ACAP2: variants seen among roughly 807,000 people sequenced by gnomAD.
ACAP2 encodes ArfGAP with coiled-coil, ankyrin repeat and PH domains 2.
In ACAP2, 39 loss-of-function variants were observed where a neutral mutation model predicts 115.8. That is an observed-to-expected ratio of 0.34 (90% CI 0.26 to 0.44). The LOEUF (loss-of-function observed/expected upper bound fraction) is 0.44. Ranked by LOEUF, ACAP2 falls within the 20% of genes least tolerant of loss-of-function variation. The pLI is 1.00. For missense variants in ACAP2, 662 were observed against 927.6 expected, an observed-to-expected ratio of 0.71 and a Z score of 3.72; for synonymous variants, 289 against 315.8, an observed-to-expected ratio of 0.92 and a Z score of 0.90.
intron 9 of ACAP2, among the ~76,000 whole-genome samples, chr3:195,325,819 T>C (rs1271004910): frequency 6.6e-6 from 1 of 151,960 alleles, no homozygotes; most frequent in Non-Finnish European, 1.5e-5. Flanking sequence ...TACACTCTAA[T>C]TATGTAAAAT....
intron 1 of ACAP2, among the ~76,000 whole-genome samples, chr3:195,403,008 A>G (rs1270122005): frequency 1.3e-5 from 2 of 152,202 alleles, no homozygotes; most frequent in Non-Finnish European, 2.9e-5. Flanking sequence ...ATGGTATGCG[A>G]TAAGGTGGTA....
At chr3:195,320,939 A>G (rs1729407870) in intron 9 of ACAP2, 126 bp from the exon 10 acceptor site, 4 of 558,746 alleles carry the variant, frequency 7.2e-6, no homozygotes, top group Admixed American at 3.0e-5. Flanking sequence ...AACAATATTA[A>G]TAAGAAAAAT....
intron 1 of ACAP2, among the ~76,000 whole-genome samples, chr3:195,434,499 G>A (rs946827779): frequency 4.6e-5 from 7 of 152,316 alleles, no homozygotes; most frequent in Middle Eastern, 3.4e-3. Flanking sequence ...GCCTCCCAAA[G>A]TGCTGGGAAT....
At chr3:195,330,225 C>A (rs1730077045) in intron 8 of ACAP2, among the ~76,000 whole-genome samples, 2 of 152,088 alleles carry the variant, frequency 1.3e-5, no homozygotes, top group African/African-American at 4.8e-5. Context: ...GTATATTAAC[C>A]CTCAAATCTA....
intron 2 of ACAP2, among the ~76,000 whole-genome samples, chr3:195,390,462 T>C (rs1473430820): frequency 1.3e-5 from 2 of 152,232 alleles, no homozygotes; most frequent in Non-Finnish European, 2.9e-5. Flanking sequence ...TGTTTACATA[T>C]AGAACTAAAT....
intron 8 of ACAP2, among the ~76,000 whole-genome samples, chr3:195,330,773 T>C (rs2108623896): frequency 6.6e-6 from 1 of 152,330 alleles, no homozygotes; most frequent in Admixed American, 6.5e-5. Flanking sequence ...CTTGCAGCTA[T>C]TGTGACCCTG....
intron 4 of ACAP2, among the ~76,000 whole-genome samples, chr3:195,368,968 C>G (rs1357423736): frequency 2.6e-5 from 4 of 151,978 alleles, no homozygotes; most frequent in African/African-American, 9.7e-5. Context: ...CCTGTAGTCC[C>G]AGCTACTTGG....
chr3:195,320,360 AAAT>A (rs1414512979), intron 10 of ACAP2, among the ~76,000 whole-genome samples: 1 of 152,230 alleles, frequency 6.6e-6, no homozygotes, highest in African/African-American at 2.4e-5. Flanking sequence ...ATTTGTACTC[AAAT>A]CTATTTTATA....
At chr3:195,420,889 C>T (rs937086466) in intron 1 of ACAP2, among the ~76,000 whole-genome samples, 1 of 152,144 alleles carries the variant, frequency 6.6e-6, no homozygotes, top group African/African-American at 2.4e-5. Flanking sequence ...AGTGATCCAC[C>T]TATCTCAGCC....
In ACAP2 at chr3:195,284,844, AACAG is replaced by A. The variant is rs779813256; in HGVS notation, c.2236+948_2236+951del. Among the ~76,000 whole-genome samples, 60 of 152,368 alleles carry A rather than the reference AACAG, an allele frequency of 3.9e-4. No homozygotes were observed. In the Middle Eastern group the frequency reaches 0.017, roughly 43 times the overall value. ...TTTACTAATGTGTATATAAATTTAA[AACAG>A]ACAGATGAGTAATTCATATACTCAA... On this transcript the variant is annotated intron_variant, in intron 22 of 22. Coordinates refer to ENST00000326793, the MANE Select transcript of ACAP2 (RefSeq NM_012287.6).
chr3:195,297,094 T>C (rs1258422499), intron 16 of ACAP2, 96 bp downstream of exon 16: 1 of 1,096,160 alleles, frequency 9.1e-7, no homozygotes, highest in African/African-American at 1.6e-5. Context: ...TGACTGCTTC[T>C]AAACACTTTG....
At chr3:195,355,656 A>G (rs115323714) in intron 4 of ACAP2, among the ~76,000 whole-genome samples, 1,662 of 152,294 alleles carry the variant, frequency 0.011, 30 homozygotes, top group African/African-American at 0.039. Context: ...TATTCCTCAT[A>G]CATGTATGAC....
chr3:195,353,080 TAA>T (rs530794501), intron 4 of ACAP2, among the ~76,000 whole-genome samples: 67 of 133,932 alleles, frequency 5.0e-4, no homozygotes, highest in Non-Finnish European at 4.8e-4. Context: ...ACTCTGTCTT[TAA>T]AAAAAAAAAA....
rs186332564 is a variant in ACAP2, at chr3:195,397,247, G to C, written c.54-5100C>G. Among the ~76,000 whole-genome samples the C allele has an allele frequency of 4.2e-3, 637 of 152,230 alleles. 2 individuals carry two copies. Among genetic ancestry groups the C allele is most frequent in the Non-Finnish European group, 5.3e-3 (359 of 68,020 alleles). On this transcript the variant is annotated intron_variant, in intron 1 of 22. Coordinates refer to ENST00000326793, the MANE Select transcript of ACAP2 (RefSeq NM_012287.6). ...TCCATCATAGTACCTATCACCCTAA[G>C]TCAACTTCCTCTTTCAGCTCAACAG...
At chr3:195,329,027 C>T (rs1324940139) in intron 8 of ACAP2, among the ~76,000 whole-genome samples, 2 of 150,426 alleles carry the variant, frequency 1.3e-5, no homozygotes, top group Non-Finnish European at 1.5e-5. Context: ...TTGTAGTGAG[C>T]CAAGATCACG....
chr3:195,384,869 C>A (rs1244351824), intron 2 of ACAP2, among the ~76,000 whole-genome samples: 2 of 151,998 alleles, frequency 1.3e-5, no homozygotes, highest in African/African-American at 4.8e-5. Context: ...TATTATGCAA[C>A]AAATTAAATT....
chr3:195,287,734 AT>A (rs1264035795), intron 21 of ACAP2, among the ~76,000 whole-genome samples: 1 of 152,204 alleles, frequency 6.6e-6, no homozygotes, highest in African/African-American at 2.4e-5. Context: ...GAATCCTCTA[AT>A]TCTCGAGGTA....
chr3:195,423,796 T>C (rs904756574), intron 1 of ACAP2, among the ~76,000 whole-genome samples: 1 of 152,156 alleles, frequency 6.6e-6, no homozygotes, highest in Non-Finnish European at 1.5e-5. Flanking sequence ...TGAAATTTTA[T>C]ATAATTTTCA....
intron 4 of ACAP2, among the ~76,000 whole-genome samples, chr3:195,378,196 A>G (rs977157793): frequency 6.6e-6 from 1 of 152,186 alleles, no homozygotes. Context: ...CACTAGTATT[A>G]AAAAGACCAA....
Sources: allele counts gnomAD v4.1 joint callset (sites outside exome capture counted in the v4.1 genomes callset), GRCh38; gene constraint gnomAD v4.1.1; transcripts MANE v1.5; gene names NCBI Gene and HGNC (gene_info 2026-07-23, HGNC 2026-07-21).